The following SNTG1 variants were observed in gnomAD, a reference collection of about 807,000 sequenced individuals.
SNTG1 encodes the protein gamma-1-syntrophin.
A neutral mutation model predicts 74.7 loss-of-function variants in SNTG1; 39 were observed. The ratio of observed to expected loss-of-function variants is 0.52; its 90% CI spans 0.40 to 0.68. The LOEUF is 0.68. Among genes scored for constraint, SNTG1 ranks in the 30% least tolerant of loss-of-function variants. SNTG1 has a pLI of 0.00. For synonymous variants in SNTG1, 254 were observed against 217.1 expected, an observed-to-expected ratio of 1.17 and a Z score of -1.49; for missense variants, 685 against 609.5, an observed-to-expected ratio of 1.12 and a Z score of -1.30.
intron 13 of SNTG1, among the ~76,000 whole-genome samples, chr8:50,610,976 CA>C (rs34743525): frequency 6.6e-6 from 1 of 151,176 alleles, no homozygotes; most frequent in Non-Finnish European, 1.5e-5. Flanking sequence ...TAAGAAATAG[CA>C]AAAAAAAATT....
intron 16 of SNTG1, chr8:50,708,585 C>A: frequency 7.1e-6 from 2 of 280,104 alleles, no homozygotes; most frequent in East Asian, 1.3e-4. Context: ...ATATTATATA[C>A]CACCTTTATT....
chr8:50,457,172 G>C (rs1243849484), intron 8 of SNTG1: 1 of 152,146 alleles, frequency 6.6e-6, no homozygotes, highest in Non-Finnish European at 1.5e-5. Context: ...GGATTAAGAG[G>C]TCGCAGTAGA....
At chr8:50,571,193 C>T (rs150888743) in intron 12 of SNTG1, among the ~76,000 whole-genome samples, 1 of 152,274 alleles carries the variant, frequency 6.6e-6, no homozygotes, top group East Asian at 1.9e-4. Context: ...GAACTATGAC[C>T]CTGCACAGGG....
At chr8:50,115,788 G>T (rs2080799524) in intron 1 of SNTG1, among the ~76,000 whole-genome samples, 1 of 151,884 alleles carries the variant, frequency 6.6e-6, no homozygotes, top group South Asian at 2.1e-4. Context: ...TTTTTGCAAG[G>T]TATGACGTTT....
At chr8:50,248,513 G>A (rs2086500058) in intron 2 of SNTG1, among the ~76,000 whole-genome samples, 1 of 152,076 alleles carries the variant, frequency 6.6e-6, no homozygotes, top group Non-Finnish European at 1.5e-5. Context: ...ACTTTCCTCA[G>A]TCAGACTATT....
At chr8:50,005,496 A>T (rs532947940) in intron 1 of SNTG1, among the ~76,000 whole-genome samples, 8 of 151,974 alleles carry the variant, frequency 5.3e-5, no homozygotes, top group Non-Finnish European at 8.8e-5. Flanking sequence ...TTGATCATTT[A>T]GTTGCGTATT....
chr8:50,002,291 T>A (rs1472522883), intron 1 of SNTG1, among the ~76,000 whole-genome samples: 1 of 152,178 alleles, frequency 6.6e-6, no homozygotes, highest in Non-Finnish European at 1.5e-5. Context: ...ACTGTATTTT[T>A]TTCTTTCTGA....
At chr8:50,508,133 T>A (rs1446593177) in intron 9 of SNTG1, among the ~76,000 whole-genome samples, 4 of 152,216 alleles carry the variant, frequency 2.6e-5, no homozygotes, top group Admixed American at 2.0e-4. Flanking sequence ...GTGTTCTCAC[T>A]GTTCAGTTCC....
intron 12 of SNTG1, among the ~76,000 whole-genome samples, chr8:50,559,515 T>G (rs1053103550): frequency 6.6e-6 from 1 of 152,122 alleles, no homozygotes; most frequent in Non-Finnish European, 1.5e-5. Flanking sequence ...AAGATGATGA[T>G]TTATATCCAA....
rs1289507830 is a variant in SNTG1, at chr8:50,394,994, A to G, written c.27+729A>G. Among the ~76,000 whole-genome samples, 8 of 152,248 alleles carry G rather than the reference A, an allele frequency of 5.3e-5. No individual in the cohort carries two copies. The East Asian group carries it at 1.5e-3, about 29-fold the overall frequency. ...TTTTATTGTATATAAACAACTCAACAAAAACCAACCATAACTGCTTACCTC... is the reference window on the plus strand; with the variant it reads ...TTTTATTGTATATAAACAACTCAACGAAAACCAACCATAACTGCTTACCTC... On this transcript the variant is annotated intron_variant, in intron 3 of 18. Transcript: ENST00000642720.
intron 2 of SNTG1, among the ~76,000 whole-genome samples, chr8:50,324,944 T>TATATTTATAC (rs2090679093): frequency 9.4e-5 from 2 of 21,284 alleles, no homozygotes; most frequent in South Asian, 4.1e-3. Flanking sequence ...TATACATATA[T>TATATTTATAC]ATATATATAT....
intron 1 of SNTG1, among the ~76,000 whole-genome samples, chr8:50,099,455 G>A (rs2080045047): frequency 1.3e-5 from 2 of 152,086 alleles, no homozygotes; most frequent in South Asian, 2.1e-4. Context: ...TGCAGTAAAC[G>A]TGGGGATGCA....
rs541810323 is a variant in SNTG1 at position 50,514,056 on chromosome 8, C to A, written c.466+11176C>A. The stretch of plus-strand genomic sequence containing the variant: ...CTGTTCCTATTTGGCCATCTTGGCT[C>A]CCCCTGCAATATTTCACTTTTAATT... On this transcript the variant is annotated intron_variant, in intron 9 of 18. Coordinates refer to ENST00000642720, the MANE Select transcript of SNTG1 (RefSeq NM_018967.5). Among the ~76,000 whole-genome samples the A allele has an allele frequency of 3.9e-5, 6 of 152,248 alleles. 1 individual carries two copies. In the South Asian group the frequency reaches 1.0e-3, roughly 26 times the overall value.
chr8:50,137,038 C>T (rs11987882), intron 1 of SNTG1, among the ~76,000 whole-genome samples: 12,319 of 152,078 alleles, frequency 0.081, 1,611 homozygotes, highest in African/African-American at 0.28. Flanking sequence ...AACACCACAA[C>T]ACATTTAGGG....
At chr8:50,197,761 G>C (rs2083832897) in intron 2 of SNTG1, among the ~76,000 whole-genome samples, 1 of 152,128 alleles carries the variant, frequency 6.6e-6, no homozygotes, top group African/African-American at 2.4e-5. Flanking sequence ...GGAACATGGT[G>C]TTATGCAGGT....
At chr8:50,232,104 G>C (rs551859389) in intron 2 of SNTG1, among the ~76,000 whole-genome samples, 1 of 151,306 alleles carries the variant, frequency 6.6e-6, no homozygotes, top group East Asian at 1.9e-4. Context: ...TAGCACTACT[G>C]TTCCCAAATT....
chr8:50,148,750 T>C (rs2081962650), intron 1 of SNTG1, among the ~76,000 whole-genome samples: 1 of 152,224 alleles, frequency 6.6e-6, no homozygotes, highest in Non-Finnish European at 1.5e-5. Flanking sequence ...TATGGATGCA[T>C]AGTATTCCAT....
intron 8 of SNTG1, among the ~76,000 whole-genome samples, chr8:50,494,077 C>A (rs1248090776): frequency 6.6e-6 from 1 of 151,212 alleles, no homozygotes; most frequent in Non-Finnish European, 1.5e-5. Context: ...AACATCCTTT[C>A]AGAATCTTTA....
intron 2 of SNTG1, among the ~76,000 whole-genome samples, chr8:50,282,555 T>C (rs550093944): frequency 2.8e-4 from 43 of 151,960 alleles, no homozygotes; most frequent in African/African-American, 9.4e-4. Flanking sequence ...GTTAGCTATA[T>C]AAAGTCAACC....
Sources: gnomAD v4.1 joint callset for allele counts (sites outside exome capture counted in the v4.1 genomes callset) on GRCh38, gnomAD v4.1.1 for gene constraint, MANE v1.5 for transcripts, NCBI Gene and HGNC (gene_info 2026-07-23, HGNC 2026-07-21) for gene names.